Variants in SLC16A7 observed in about 807,000 individuals in gnomAD.
SLC16A7 encodes monocarboxylate transporter 2.
A neutral mutation model predicts 34.9 loss-of-function variants in SLC16A7; 33 were observed. The ratio of observed to expected loss-of-function variants is 0.94; its 90% CI spans 0.72 to 1.26. The LOEUF (loss-of-function observed/expected upper bound fraction) is 1.26. Ranked by LOEUF, SLC16A7 falls within the 50% of genes most tolerant of loss-of-function variation. The pLI, the probability that SLC16A7 is intolerant of heterozygous loss-of-function variation, is 0.00. For synonymous variants in SLC16A7, 201 were observed against 206.6 expected, an observed-to-expected ratio of 0.97 and a Z score of 0.23; for missense variants, 573 against 578.1, an observed-to-expected ratio of 0.99 and a Z score of 0.09.
intron 3 of SLC16A7, among the ~76,000 whole-genome samples, chr12:59,752,218 G>A (rs1014993810): frequency 3.9e-5 from 6 of 152,172 alleles, no homozygotes; most frequent in East Asian, 1.9e-4. Flanking sequence ...CCAAAGGAAC[G>A]CAGCTCCTCA....
intron 3 of SLC16A7, among the ~76,000 whole-genome samples, chr12:59,752,935 A>G (rs1386980916): frequency 6.6e-6 from 1 of 152,226 alleles, no homozygotes; most frequent in Non-Finnish European, 1.5e-5. Flanking sequence ...GCCAGAAGAG[A>G]GTGGAGGCCA....
intron 2 of SLC16A7, among the ~76,000 whole-genome samples, chr12:59,692,184 C>G (rs1871741638): frequency 6.6e-6 from 1 of 151,972 alleles, no homozygotes; most frequent in African/African-American, 2.4e-5. Context: ...ACATCTCTCT[C>G]TGCGTCTTCC....
chr12:59,670,270 C>A (rs1054715099), intron 2 of SLC16A7, among the ~76,000 whole-genome samples: 1 of 152,156 alleles, frequency 6.6e-6, no homozygotes, highest in Non-Finnish European at 1.5e-5. Flanking sequence ...TCACCCTACT[C>A]CATTGTGACC....
At chr12:59,749,428 T>G (rs2137317680) in intron 3 of SLC16A7, among the ~76,000 whole-genome samples, 1 of 152,292 alleles carries the variant, frequency 6.6e-6, no homozygotes, top group East Asian at 1.9e-4. Context: ...ATAATGACCT[T>G]GACCACCCAA....
At chr12:59,731,479 C>G (rs1261003938) in intron 3 of SLC16A7, among the ~76,000 whole-genome samples, 2 of 152,178 alleles carry the variant, frequency 1.3e-5, no homozygotes, top group Admixed American at 1.3e-4. Flanking sequence ...CTTTGAAGTG[C>G]TTGATAGTAG....
intron 3 of SLC16A7, among the ~76,000 whole-genome samples, chr12:59,717,781 T>G (rs1367725649): frequency 6.6e-6 from 1 of 152,214 alleles, no homozygotes; most frequent in African/African-American, 2.4e-5. Flanking sequence ...TCACTTCATA[T>G]TTTAAGTTTA....
At position 59,716,873 on chromosome 12, in the gene SLC16A7, G is replaced by T. The variant is rs890722216; in HGVS notation, c.217+11855G>T. 8.6e-5 allele frequency among the ~76,000 whole-genome samples: 13 copies of T among 151,956 alleles called. 1 individual carries two copies. Among genetic ancestry groups the T allele is most frequent in the Admixed American group, 5.2e-4 (8 of 15,242 alleles). ...AATAAATAAAAATAAATAAATAAAA[G>T]AATTATCTATAAATCAAAAGCATTT... On this transcript the variant is annotated intron_variant, in intron 3 of 5. Transcript: ENST00000547379.
chr12:59,692,920 G>C (rs1361994244), intron 2 of SLC16A7, among the ~76,000 whole-genome samples: 3 of 151,770 alleles, frequency 2.0e-5, no homozygotes, highest in African/African-American at 7.3e-5. Context: ...GAAAAGATTT[G>C]GTTCAATTTA....
At chr12:59,664,345 G>A (rs1219920884) in intron 2 of SLC16A7, among the ~76,000 whole-genome samples, 2 of 152,080 alleles carry the variant, frequency 1.3e-5, no homozygotes, top group Non-Finnish European at 2.9e-5. Context: ...CCCTCACACA[G>A]GGTTGGGGAC....
intron 4 of SLC16A7, among the ~76,000 whole-genome samples, chr12:59,772,457 C>T (rs898355957): frequency 2.6e-5 from 4 of 152,124 alleles, no homozygotes; most frequent in African/African-American, 9.7e-5. Context: ...ATTTCCTTCA[C>T]TACAGATATC....
At chr12:59,658,163 G>A (rs1198572227) in intron 2 of SLC16A7, among the ~76,000 whole-genome samples, 1 of 151,946 alleles carries the variant, frequency 6.6e-6, no homozygotes, top group Admixed American at 6.6e-5. Context: ...TAATCACATG[G>A]TGTGTTTTAG....
intron 1 of SLC16A7, among the ~76,000 whole-genome samples, chr12:59,651,422 G>C (rs146127448): frequency 6.6e-6 from 1 of 152,018 alleles, no homozygotes; most frequent in Non-Finnish European, 1.5e-5. Context: ...TTTAAGTTAT[G>C]CTACTTATTA....
intron 1 of SLC16A7, among the ~76,000 whole-genome samples, chr12:59,612,801 C>CA (rs1293621269): frequency 6.6e-6 from 1 of 152,184 alleles, no homozygotes; most frequent in Admixed American, 6.5e-5. Context: ...CTCCAGTTCC[C>CA]AAAAAGTTCC....
chr12:59,615,470 G>T lies in SLC16A7; in HGVS notation c.-130+19234G>T, dbSNP rs575590452. Among the ~76,000 whole-genome samples the T allele has an allele frequency of 2.1e-3, 322 of 151,420 alleles. 1 individual carries two copies. The highest frequency in any genetic ancestry group is 7.6e-3 in the African/African-American group (313 of 41,072). ...CATTTGACATTGACTTTTACCTTTT[G>T]TTTTTTTTACAATCTCTTGTAAGAG... On this transcript the variant is annotated intron_variant, in intron 1 of 5. Coordinates refer to ENST00000547379, the MANE Select transcript of SLC16A7 (RefSeq NM_001270623.2).
intron 1 of SLC16A7, among the ~76,000 whole-genome samples, chr12:59,598,922 A>G (rs138516532): frequency 4.6e-4 from 70 of 152,332 alleles, no homozygotes; most frequent in African/African-American, 1.6e-3. Context: ...GCATGTAGCA[A>G]CCATTTGAGG....
chr12:59,613,567 G>T (rs1359415793), intron 1 of SLC16A7, among the ~76,000 whole-genome samples: 1 of 152,174 alleles, frequency 6.6e-6, no homozygotes, highest in Non-Finnish European at 1.5e-5. Context: ...GTTGACAAGA[G>T]AATCTGATCC....
chr12:59,675,698 T>G (rs79205592), intron 2 of SLC16A7, among the ~76,000 whole-genome samples: 10,835 of 152,134 alleles, frequency 0.071, 429 homozygotes, highest in Middle Eastern at 0.16. Flanking sequence ...TAAATATAAT[T>G]CATGATGTAA....
At chr12:59,728,400 G>A (rs1876541323) in intron 3 of SLC16A7, among the ~76,000 whole-genome samples, 1 of 152,220 alleles carries the variant, frequency 6.6e-6, no homozygotes, top group Non-Finnish European at 1.5e-5. Flanking sequence ...ACAATTTGCA[G>A]ATAAATGATA....
chr12:59,656,834 A>T (rs796893580), intron 2 of SLC16A7, among the ~76,000 whole-genome samples: 13 of 152,046 alleles, frequency 8.6e-5, no homozygotes, highest in African/African-American at 2.9e-4. Flanking sequence ...TTCCTTTTAG[A>T]TACATAGTTT....
Sources: gnomAD v4.1 joint callset for allele counts (sites outside exome capture counted in the v4.1 genomes callset) on GRCh38, gnomAD v4.1.1 for gene constraint, MANE v1.5 for transcripts, NCBI Gene and HGNC (gene_info 2026-07-23, HGNC 2026-07-21) for gene names.